Variants in MNAT1 observed in about 807,000 individuals in gnomAD.
MNAT1 encodes MNAT1 component of CDK activating kinase.
Under a neutral mutation model 42.0 loss-of-function variants are expected in MNAT1, and 43 were observed. The ratio of observed to expected loss-of-function variants is 1.02; its 90% CI spans 0.80 to 1.32. The LOEUF (loss-of-function observed/expected upper bound fraction) is 1.32. Among genes scored for constraint, MNAT1 ranks in the 40% most tolerant of loss-of-function variants. MNAT1 has a pLI of 0.00. For missense variants in MNAT1, 306 were observed against 350.4 expected (o/e 0.87, Z 1.01); for synonymous variants, 118 against 120.0 (o/e 0.98, Z 0.11).
intron 1 of MNAT1, among the ~76,000 whole-genome samples, chr14:60,770,624 G>A (rs1334552978): frequency 6.6e-6 from 1 of 151,900 alleles, no homozygotes. Flanking sequence ...ATTCTGTTCT[G>A]CTCAAATATG....
Position 60,757,397 on chromosome 14 carries a change from C to CCCCA in MNAT1, c.89+22447_89+22448insCCAC, listed in dbSNP as rs369521343. Among the ~76,000 whole-genome samples, 1,058 of 151,902 alleles carry CCCCA rather than the reference C, an allele frequency of 7.0e-3. 12 individuals carry two copies. Among genetic ancestry groups the CCCCA allele is most frequent in the African/African-American group, 0.023 (955 of 41,420 alleles). On this transcript the variant is annotated intron_variant, in intron 1 of 7. Coordinates refer to ENST00000261245, the MANE Select transcript of MNAT1 (RefSeq NM_002431.4). ...ATTTTAGTGCATTTTTTTTTATTGT[C>CCCCA]CACACACACCCACACACAGGCTAGA...
intron 1 of MNAT1, among the ~76,000 whole-genome samples, chr14:60,779,172 A>G (rs117471382): frequency 0.011 from 1,740 of 152,328 alleles, 17 homozygotes; most frequent in Middle Eastern, 0.051. Context: ...GTATGGACAG[A>G]GAAGAATATG....
intron 1 of MNAT1, among the ~76,000 whole-genome samples, chr14:60,777,442 C>T (rs189754040): frequency 2.6e-5 from 4 of 151,970 alleles, no homozygotes; most frequent in Non-Finnish European, 5.9e-5. Flanking sequence ...CCTCTCCCCC[C>T]CCAAAATTTT....
chr14:60,892,503 A>G (rs942431924), intron 7 of MNAT1, among the ~76,000 whole-genome samples: 22 of 152,104 alleles, frequency 1.4e-4, no homozygotes, highest in African/African-American at 4.3e-4. Context: ...AGTTTCTTGT[A>G]GATAACATAT....
At chr14:60,875,500 A>G (rs6573339) in intron 6 of MNAT1, among the ~76,000 whole-genome samples, 143,326 of 152,096 alleles carry the variant, frequency 0.94, 67,860 homozygotes, top group Non-Finnish European at 0.99. Flanking sequence ...TCTAACCCCC[A>G]TTTCCTCATT....
At chr14:60,914,703 T>C (rs1425536211) in intron 7 of MNAT1, among the ~76,000 whole-genome samples, 2 of 152,186 alleles carry the variant, frequency 1.3e-5, no homozygotes. Flanking sequence ...CTACATCCTA[T>C]TTGGTTACAT....
At chr14:60,954,887 A>T (rs1444912545) in intron 7 of MNAT1, among the ~76,000 whole-genome samples, 2 of 152,148 alleles carry the variant, frequency 1.3e-5, no homozygotes, top group Non-Finnish European at 2.9e-5. Context: ...GTGTTGAGGT[A>T]CATTCCTTCT....
intron 7 of MNAT1, among the ~76,000 whole-genome samples, chr14:60,961,258 G>A (rs370641887): frequency 1.1e-4 from 16 of 152,282 alleles, no homozygotes; most frequent in African/African-American, 2.6e-4. Context: ...CACCGCGCCC[G>A]GCCATCAGCT....
chr14:60,935,903 A>G (rs1304416769), intron 7 of MNAT1, among the ~76,000 whole-genome samples: 1 of 152,184 alleles, frequency 6.6e-6, no homozygotes, highest in East Asian at 1.9e-4. Flanking sequence ...AACCAGGGAA[A>G]TTTAGGCATG....
At chr14:60,942,209 G>C (rs1447209485) in intron 7 of MNAT1, among the ~76,000 whole-genome samples, 1 of 151,934 alleles carries the variant, frequency 6.6e-6, no homozygotes, top group African/African-American at 2.4e-5. Flanking sequence ...CTGTCTTAAA[G>C]AGTTCAGCCA....
chr14:60,739,282 T>C (rs115647931), intron 1 of MNAT1, among the ~76,000 whole-genome samples: 1 of 152,256 alleles, frequency 6.6e-6, no homozygotes, highest in African/African-American at 2.4e-5. Context: ...CTCTGGTGTT[T>C]TGTAGTGTTA....
chr14:60,739,984 T>C (rs896434856), intron 1 of MNAT1, among the ~76,000 whole-genome samples: 3 of 152,284 alleles, frequency 2.0e-5, no homozygotes, highest in Admixed American at 1.3e-4. Flanking sequence ...TGAAACCCCG[T>C]CTCTACTAAA....
At chr14:60,967,244 T>C (rs764806376) in intron 7 of MNAT1, among the ~76,000 whole-genome samples, 7 of 152,206 alleles carry the variant, frequency 4.6e-5, no homozygotes, top group Non-Finnish European at 1.0e-4. Flanking sequence ...TTAGAAGTTA[T>C]AAGTTGCTCA....
chr14:60,884,187 ACTAG>A (rs1345026074), intron 7 of MNAT1, among the ~76,000 whole-genome samples: 2 of 151,836 alleles, frequency 1.3e-5, no homozygotes, highest in African/African-American at 2.4e-5. Context: ...CATTCAGTAT[ACTAG>A]CTGCAGGTCT....
At chr14:60,836,139 C>T (rs566470700) in intron 6 of MNAT1, among the ~76,000 whole-genome samples, 1 of 152,146 alleles carries the variant, frequency 6.6e-6, no homozygotes, top group Non-Finnish European at 1.5e-5. Flanking sequence ...ATTCCTCTAA[C>T]CTTTTTTCAA....
In MNAT1 at chr14:60,910,510, A is replaced by G. The variant is rs558656780; in HGVS notation, c.809+30675A>G. 7.2e-5 allele frequency among the ~76,000 whole-genome samples: 11 copies of G among 152,278 alleles called. No individual in the cohort carries two copies. In the East Asian group the frequency reaches 2.1e-3, roughly 29 times the overall value. ...TTGAGATATGTCCCATCAATACCTA[A>G]TTTATTGAGAGTTTTTAAGCATGAA... On this transcript the variant is annotated intron_variant, in intron 7 of 7. Transcript: ENST00000261245.
At chr14:60,827,204 T>G (rs908084796) in intron 6 of MNAT1, among the ~76,000 whole-genome samples, 14 of 152,198 alleles carry the variant, frequency 9.2e-5, no homozygotes, top group African/African-American at 3.4e-4. Context: ...TTAAGTACTT[T>G]TGATAGTCTG....
chr14:60,847,854 C>T (rs779179198), intron 6 of MNAT1, among the ~76,000 whole-genome samples: 1 of 152,002 alleles, frequency 6.6e-6, no homozygotes, highest in Non-Finnish European at 1.5e-5. Context: ...CATTCCTTTT[C>T]CTCTCCTGGA....
At chr14:60,935,060 A>G (rs979939206) in intron 7 of MNAT1, among the ~76,000 whole-genome samples, 10 of 152,202 alleles carry the variant, frequency 6.6e-5, no homozygotes, top group Non-Finnish European at 1.5e-4. Context: ...TAACTTCTTT[A>G]ATTTTAGAGA....
Sources: gnomAD v4.1 joint callset for allele counts (sites outside exome capture counted in the v4.1 genomes callset) on GRCh38, gnomAD v4.1.1 for gene constraint, MANE v1.5 for transcripts, NCBI Gene and HGNC (gene_info 2026-07-23, HGNC 2026-07-21) for gene names.